CTNND2: variants seen among roughly 807,000 people sequenced by gnomAD.
CTNND2 encodes catenin delta-2.
In CTNND2, 22 loss-of-function variants were observed where a neutral mutation model predicts 144.4. The ratio of observed to expected loss-of-function variants is 0.15; its 90% CI spans 0.11 to 0.22. CTNND2 has a LOEUF of 0.22. CTNND2 is among the 10% of genes least tolerant of loss of function. CTNND2 has a pLI of 1.00. For missense variants in CTNND2, 1,353 were observed against 1,618.8 expected (o/e 0.84, Z 2.82); for synonymous variants, 751 against 695.6 (o/e 1.08, Z -1.25).
chr5:11,754,458 G>A (rs977945226), intron 1 of CTNND2, among the ~76,000 whole-genome samples: 1 of 30,042 alleles, frequency 3.3e-5, no homozygotes, highest in Non-Finnish European at 8.9e-4. Flanking sequence ...GGAGAGTTCT[G>A]TAGATGTTTG....
At chr5:11,487,653 C>T (rs1462667503) in intron 3 of CTNND2, among the ~76,000 whole-genome samples, 1 of 151,930 alleles carries the variant, frequency 6.6e-6, no homozygotes, top group East Asian at 1.9e-4. Context: ...ATTATATATG[C>T]TTATAATTAA....
intron 9 of CTNND2, among the ~76,000 whole-genome samples, chr5:11,254,987 T>C (rs976802576): frequency 7.2e-5 from 11 of 152,194 alleles, no homozygotes; most frequent in Non-Finnish European, 1.2e-4. Context: ...GCTGTTGTAA[T>C]TTAAAATTTG....
At chr5:11,435,142 T>C (rs1763651016) in intron 3 of CTNND2, among the ~76,000 whole-genome samples, 1 of 151,154 alleles carries the variant, frequency 6.6e-6, no homozygotes, top group South Asian at 2.1e-4. Flanking sequence ...TATTTATTTA[T>C]TTATTTAATT....
At chr5:11,858,499 T>G (rs1166605544) in intron 1 of CTNND2, among the ~76,000 whole-genome samples, 1 of 152,202 alleles carries the variant, frequency 6.6e-6, no homozygotes, top group Non-Finnish European at 1.5e-5. Flanking sequence ...CTTGTACTTT[T>G]ACCAACTATA....
chr5:11,623,505 G>A (rs1421604392), intron 2 of CTNND2, among the ~76,000 whole-genome samples: 1 of 151,838 alleles, frequency 6.6e-6, no homozygotes, highest in South Asian at 2.1e-4. Flanking sequence ...GAAACTGTGA[G>A]TCCATTAAAC....
intron 2 of CTNND2, among the ~76,000 whole-genome samples, chr5:11,731,355 G>A (rs1787375973): frequency 6.6e-6 from 1 of 152,156 alleles, no homozygotes; most frequent in Admixed American, 6.5e-5. Flanking sequence ...CTCTCGCTCT[G>A]CTGAGATGTT....
intron 8 of CTNND2, among the ~76,000 whole-genome samples, chr5:11,348,579 T>C (rs954685379): frequency 6.6e-6 from 1 of 152,114 alleles, no homozygotes; most frequent in Admixed American, 6.5e-5. Flanking sequence ...TAGTTTTCTA[T>C]GCAAAATCAT....
chr5:10,996,594 G>C (rs1446890124), intron 18 of CTNND2, among the ~76,000 whole-genome samples: 1 of 151,990 alleles, frequency 6.6e-6, no homozygotes, highest in Admixed American at 6.6e-5. Flanking sequence ...GGATTTTGCT[G>C]ATTTATTTAT....
chr5:11,237,928 A>G (rs1209139415), intron 9 of CTNND2, among the ~76,000 whole-genome samples: 1 of 152,222 alleles, frequency 6.6e-6, no homozygotes, highest in Non-Finnish European at 1.5e-5. Flanking sequence ...ACTTTATAAT[A>G]GGAAATTATT....
At chr5:11,394,871 T>G (rs1036222756) in intron 6 of CTNND2, among the ~76,000 whole-genome samples, 1 of 152,192 alleles carries the variant, frequency 6.6e-6, no homozygotes, top group Non-Finnish European at 1.5e-5. Flanking sequence ...AGATAAAAAA[T>G]TATTGCTTTA....
chr5:11,280,919 G>A (rs1032999236), intron 9 of CTNND2, among the ~76,000 whole-genome samples: 13 of 152,148 alleles, frequency 8.5e-5, no homozygotes, highest in African/African-American at 3.1e-4. Context: ...ACAGAGTAAG[G>A]AGTGTGGGTG....
At chr5:11,643,613 C>T (rs1782185435) in intron 2 of CTNND2, among the ~76,000 whole-genome samples, 1 of 152,030 alleles carries the variant, frequency 6.6e-6, no homozygotes. Context: ...TTATGTGCCA[C>T]ATTTTCTTAA....
chr5:11,228,657 T>C (rs992033877), intron 10 of CTNND2, among the ~76,000 whole-genome samples: 1 of 152,032 alleles, frequency 6.6e-6, no homozygotes, highest in Non-Finnish European at 1.5e-5. Context: ...AGCTAATTTT[T>C]GCATTTTTTG....
At position 11,600,818 on chromosome 5, in the gene CTNND2, T is replaced by C. The variant is rs997703895; in HGVS notation, c.175-35762A>G. 1.1e-4 allele frequency among the ~76,000 whole-genome samples: 17 copies of C among 151,032 alleles called. No homozygotes were observed. In the East Asian group the frequency reaches 2.7e-3, roughly 24 times the overall value. ...AGTAAATTAGCTTAGTAGTAATAAA[T>C]AGCACAGAAATCAGAAGGTAATGAG... is the stretch of plus-strand genomic sequence containing the variant. On this transcript the variant is annotated intron_variant, in intron 2 of 21. Transcript: ENST00000304623.
Position 11,418,053 on chromosome 5 carries a change from T to C in CTNND2, c.288-5984A>G, listed in dbSNP as rs146246321. ...CAAATAAGCTGATATTAACTTGTTA[T>C]AACATGTCTGAACCTGATCTAGTTT... On this transcript the variant is annotated intron_variant, in intron 3 of 21. Coordinates refer to ENST00000304623, the MANE Select transcript of CTNND2 (RefSeq NM_001332.4). Among the ~76,000 whole-genome samples the C allele has an allele frequency of 2.8e-3, 420 of 152,222 alleles. 12 individuals are homozygous for C. The highest frequency in any genetic ancestry group is 0.026 in the Admixed American group (391 of 15,276).
intron 3 of CTNND2, among the ~76,000 whole-genome samples, chr5:11,503,062 T>G (rs547791150): frequency 1.3e-5 from 2 of 152,336 alleles, no homozygotes; most frequent in East Asian, 3.9e-4. Context: ...TGAAACTGTA[T>G]GTAGCAACAG....
At chr5:11,460,539 T>C (rs989482573) in intron 3 of CTNND2, among the ~76,000 whole-genome samples, 20 of 152,136 alleles carry the variant, frequency 1.3e-4, no homozygotes, top group African/African-American at 3.9e-4. Flanking sequence ...ACTAACTGAG[T>C]GATGCTCTAC....
intron 1 of CTNND2, among the ~76,000 whole-genome samples, chr5:11,881,646 T>C (rs1368635795): frequency 2.6e-5 from 4 of 152,032 alleles, no homozygotes; most frequent in African/African-American, 4.8e-5. Context: ...CATCCATCAA[T>C]AGACATTTAG....
intron 3 of CTNND2, among the ~76,000 whole-genome samples, chr5:11,531,963 C>T (rs1428125939): frequency 6.6e-6 from 1 of 152,176 alleles, no homozygotes; most frequent in Admixed American, 6.5e-5. Context: ...CACATTGCCA[C>T]GTGCCTCCCA....
Sources: allele counts gnomAD v4.1 joint callset (sites outside exome capture counted in the v4.1 genomes callset), GRCh38; gene constraint gnomAD v4.1.1; transcripts MANE v1.5; gene names NCBI Gene and HGNC (gene_info 2026-07-23, HGNC 2026-07-21).